Variants in PLA2G15 observed in about 807,000 individuals in gnomAD.
PLA2G15 encodes the protein lysosomal phospholipase A and acyltransferase.
Under a neutral mutation model 40.9 loss-of-function variants are expected in PLA2G15, and 20 were observed. The observed-to-expected ratio is 0.49, with a 90% CI of 0.34 to 0.71. PLA2G15 has a LOEUF of 0.71. Ranked by LOEUF, PLA2G15 falls within the 30% of genes least tolerant of loss-of-function variation. The pLI, the probability that PLA2G15 is intolerant of heterozygous loss-of-function variation, is 0.01. For synonymous variants in PLA2G15, 223 were observed against 228.2 expected, an observed-to-expected ratio of 0.98 and a Z score of 0.21; for missense variants, 471 against 541.9, an observed-to-expected ratio of 0.87 and a Z score of 1.30.
At chr16:68,245,581 G>T (rs141988145) in intron 1 of PLA2G15, 28 bp downstream of exon 1, 221 of 1,555,622 alleles carry the variant, frequency 1.4e-4, no homozygotes, top group Non-Finnish European at 1.9e-4. Flanking sequence ...TGGTGGATCT[G>T]TCGGTCGGGC....
intron 5 of PLA2G15, among the ~76,000 whole-genome samples, chr16:68,257,560 T>C (rs962314430): frequency 1.3e-5 from 2 of 152,206 alleles, no homozygotes; most frequent in Non-Finnish European, 2.9e-5. Context: ...CTCCCTCTGC[T>C]AGGACTTGGG....
chr16:68,245,384 G>A lies in PLA2G15; in HGVS notation c.-43G>A, dbSNP rs761097788. 3.3e-5 allele frequency: 52 copies of A among 1,595,018 alleles called. No individual in the cohort carries two copies. The highest frequency in any genetic ancestry group is 4.2e-5 in the Non-Finnish European group (49 of 1,176,062). On this transcript the variant is annotated 5_prime_UTR_variant, in exon 1 of 6. Transcript: ENST00000219345. ...GCCCCCGCCTAGGCGAGAGCCCAGA[G>A]AGCTGAACCTGCATCCCGGACCTGC...
At chr16:68,246,044 T>C (rs1018279146) in intron 1 of PLA2G15, among the ~76,000 whole-genome samples, 1 of 152,218 alleles carries the variant, frequency 6.6e-6, no homozygotes, top group Non-Finnish European at 1.5e-5. Flanking sequence ...CTGTCCTAGC[T>C]GGCCACCAAC....
chr16:68,252,436 G>A (rs2042362653), intron 2 of PLA2G15: 3 of 396,170 alleles, frequency 7.6e-6, no homozygotes, highest in Admixed American at 6.0e-5. Context: ...CTCGCACAGA[G>A]GCACAAGGCT....
chr16:68,256,237 T>C, intron 5 of PLA2G15: 1 of 463,172 alleles, frequency 2.2e-6, no homozygotes, highest in Non-Finnish European at 3.9e-6. Flanking sequence ...CAAGACAAGA[T>C]GGTGGATCCC....
chr16:68,255,140 A>G lies in PLA2G15; in HGVS notation c.403+103A>G. ...TGCTGGTTTGTAGGGACAGCCTGTG[A>G]GCTGTCTCTGATCAGCGTGGGCACA... On this transcript the variant is annotated intron_variant, in intron 3 of 5. Coordinates refer to ENST00000219345, the MANE Select transcript of PLA2G15 (RefSeq NM_012320.4). This position sits in a 1 kb window ranked among gnomAD's most constrained non-coding sequence, Gnocchi z 5.9. The G allele has an allele frequency of 2.0e-6, 2 of 997,828 alleles. No homozygotes were observed. The highest frequency in any genetic ancestry group is 3.2e-6 in the Non-Finnish European group (2 of 626,940). The allele number at this position is 997,828 out of a possible 1,614,324, so 61.8% of individuals were successfully genotyped here.
chr16:68,255,834 C>T lies in PLA2G15; in HGVS notation c.571C>T (p.Pro191Ser). The T allele has an allele frequency of 1.2e-6, 2 of 1,614,184 alleles. No individual in the cohort carries two copies. The highest frequency in any genetic ancestry group is 1.7e-6 in the Non-Finnish European group (2 of 1,180,022). ...IEEMYQLYGG[P>S]VVLVAHSMGN... ...GGAGATGTACCAGCTGTATGGGGGCCCCGTGGTGCTGGTTGCCCACAGTAT... is the reference window on the plus strand; with the variant it reads ...GGAGATGTACCAGCTGTATGGGGGCTCCGTGGTGCTGGTTGCCCACAGTAT... Residue 191 changes from proline (P) to serine (S), a missense_variant, in exon 5 of 6, where the codon CCC (proline) becomes TCC (serine). Coordinates refer to ENST00000219345, the MANE Select transcript of PLA2G15 (RefSeq NM_012320.4). The surrounding 1 kb of genome is among the most constrained non-coding windows in gnomAD (Gnocchi z 5.9).
chr16:68,259,554 A>G lies in PLA2G15; in HGVS notation c.1136A>G (p.Glu379Gly), dbSNP rs2042428356. Residue 379 changes from glutamate to glycine, a missense_variant, in exon 6 of 6, where the codon GAG becomes GGG. Physicochemically the swap from Glu to Gly is moderately conservative, Grantham distance 98. Transcript: ENST00000219345. This position sits in a 1 kb window ranked among gnomAD's most constrained non-coding sequence, Gnocchi z 6.5. ...TGCCAGGCCTGGCAGAGCCGCCAGG[A>G]GCACCAAGTGTTGCTGCAGGAGCTG... is the stretch of plus-strand genomic sequence containing the variant. ...LQCQAWQSRQEHQVLLQELPG... is the reference protein window; with the variant it reads ...LQCQAWQSRQGHQVLLQELPG... 2 of 1,613,326 alleles carry G rather than the reference A, an allele frequency of 1.2e-6. No homozygotes were observed. Among genetic ancestry groups the G allele is most frequent in the Middle Eastern group, 1.6e-4 (1 of 6,084 alleles).
chr16:68,256,358 G>T, intron 5 of PLA2G15: 1 of 179,380 alleles, frequency 5.6e-6, no homozygotes, highest in Non-Finnish European at 1.2e-5. Flanking sequence ...TTGATTTATG[G>T]TTAAGTACGT....
Position 68,251,097 on chromosome 16 carries a change from C to CT in PLA2G15, c.284+1664dup, listed in dbSNP as rs145082746. 2.5e-3 allele frequency among the ~76,000 whole-genome samples: 357 copies of CT among 143,656 alleles called. 4 individuals are homozygous for CT. The South Asian group carries it at 0.038, about 15-fold the overall frequency. 94.2% of individuals were successfully genotyped at this position (143,656 alleles called of 152,430 possible). A position where few individuals can be genotyped will look rare whatever the true frequency, so the allele number is the denominator to read the frequency against. On this transcript the variant is annotated intron_variant, in intron 2 of 5. Coordinates refer to ENST00000219345, the MANE Select transcript of PLA2G15 (RefSeq NM_012320.4). ...CCCGTTTTGAAATAGGTGCTGTTTT[C>CT]TTTTTTTTTTTTTCACCAGTGTTAC... is the stretch of plus-strand genomic sequence containing the variant.
chr16:68,249,899 T>G (rs926920590), intron 2 of PLA2G15, among the ~76,000 whole-genome samples: 10 of 152,126 alleles, frequency 6.6e-5, no homozygotes, highest in Non-Finnish European at 1.5e-4. Context: ...ATGCTGGTCT[T>G]GAACTCCTGA....
chr16:68,259,742 T>C lies in PLA2G15; in HGVS notation c.*85T>C. 7.5e-7 allele frequency: 1 copy of C among 1,332,158 alleles called. No homozygotes were observed. The highest frequency in any genetic ancestry group is 1.0e-6 in the Non-Finnish European group (1 of 967,810). The allele number at this position is 1,332,158 out of a possible 1,614,324, so 82.5% of individuals were successfully genotyped here. Reference sequence around the variant, plus strand: ...GTCATGGCCCACGCGTTTTGCAAAGTTTGTGACTCACCATTCAAGGCCCCG... The same window carrying C: ...GTCATGGCCCACGCGTTTTGCAAAGCTTGTGACTCACCATTCAAGGCCCCG... On this transcript the variant is annotated 3_prime_UTR_variant, in exon 6 of 6. Transcript: ENST00000219345. This position sits in a 1 kb window ranked among gnomAD's most constrained non-coding sequence, Gnocchi z 6.5.
chr16:68,254,910 T>C lies in PLA2G15; in HGVS notation c.285-9T>C. On this transcript the variant is annotated splice_polypyrimidine_tract_variant and intron_variant, in intron 2 of 5. Transcript: ENST00000219345. The stretch of plus-strand genomic sequence containing the variant: ...TCCGGGTCACTGGCTCAATATCCTC[T>C]CACAACAGGCTGGTTTACAACAAAA... The C allele has an allele frequency of 6.3e-7, 1 of 1,581,380 alleles. No homozygotes were observed. The highest frequency in any genetic ancestry group is 8.7e-7 in the Non-Finnish European group (1 of 1,150,550).
chr16:68,246,875 G>T (rs1478941251), intron 1 of PLA2G15, among the ~76,000 whole-genome samples: 1 of 152,172 alleles, frequency 6.6e-6, no homozygotes, highest in African/African-American at 2.4e-5. Flanking sequence ...GACTGGTTGG[G>T]TCATCTGAAC....
intron 1 of PLA2G15, among the ~76,000 whole-genome samples, chr16:68,247,017 C>T (rs2042315109): frequency 6.6e-6 from 1 of 152,104 alleles, no homozygotes; most frequent in South Asian, 2.1e-4. Context: ...TTGATGCTAA[C>T]CGCACTCATC....
At chr16:68,249,212 C>G in intron 1 of PLA2G15, 78 bp from the exon 2 acceptor site, 1 of 1,201,662 alleles carries the variant, frequency 8.3e-7, no homozygotes, top group East Asian at 2.4e-5. Flanking sequence ...TTCAGGGGGT[C>G]TGCTGCAGAC....
chr16:68,255,407 T>A lies in PLA2G15; in HGVS notation c.502+27T>A. 1 of 1,509,486 alleles carries A rather than the reference T, an allele frequency of 6.6e-7. No homozygotes were observed. The highest frequency in any genetic ancestry group is 9.1e-7 in the Non-Finnish European group (1 of 1,092,992). The allele number at this position is 1,509,486 out of a possible 1,614,324, so 93.5% of individuals were successfully genotyped here. On this transcript the variant is annotated intron_variant, in intron 4 of 5. Coordinates refer to ENST00000219345, the MANE Select transcript of PLA2G15 (RefSeq NM_012320.4). The surrounding 1 kb of genome is among the most constrained non-coding windows in gnomAD (Gnocchi z 5.9). ...TAAGCAGGCACTCTCATTCCCTCCC[T>A]GACGTCTCGGGAGGTAGGGGTGAGG... is the stretch of plus-strand genomic sequence containing the variant.
At chr16:68,250,982 T>A (rs957289103) in intron 2 of PLA2G15, among the ~76,000 whole-genome samples, 1 of 152,186 alleles carries the variant, frequency 6.6e-6, no homozygotes, top group Non-Finnish European at 1.5e-5. Context: ...AACATCATCA[T>A]GTGCCCGAAT....
Position 68,249,453 on chromosome 16 carries a change from G to A in PLA2G15, c.284+7G>A. Reference sequence around the variant, plus strand: ...GCTGGATTGACAATATCAGGTGGGGGCTGGGGCACACAGAGGGGGGTGCTG... The same window carrying A: ...GCTGGATTGACAATATCAGGTGGGGACTGGGGCACACAGAGGGGGGTGCTG... On this transcript the variant is annotated splice_region_variant and intron_variant, in intron 2 of 5. Coordinates refer to ENST00000219345, the MANE Select transcript of PLA2G15 (RefSeq NM_012320.4). The A allele has an allele frequency of 6.2e-7, 1 of 1,613,762 alleles. No individual in the cohort carries two copies. Among genetic ancestry groups the A allele is most frequent in the Non-Finnish European group, 8.5e-7 (1 of 1,179,750 alleles).
Sources: allele counts gnomAD v4.1 joint callset (sites outside exome capture counted in the v4.1 genomes callset), GRCh38; gene constraint gnomAD v4.1.1; non-coding constraint Gnocchi (gnomAD v3.1); transcripts MANE v1.5; gene names NCBI Gene and HGNC (gene_info 2026-07-23, HGNC 2026-07-21).